The following GJA9 variants were observed in gnomAD, a reference collection of about 807,000 sequenced individuals.
GJA9 encodes the protein gap junction protein alpha 9.
GJA9 carries 1 observed loss-of-function variant against 0.4 expected under a neutral mutation model. That is an observed-to-expected ratio of 2.50 (90% CI 0.89 to 11.88). GJA9 has a LOEUF of 11.88. Among genes scored for constraint, GJA9 ranks in the 30% most tolerant of loss-of-function variants. GJA9 has a pLI of 0.12. For missense variants in GJA9, 550 were observed against 602.8 expected (o/e 0.91, Z 0.92); for synonymous variants, 190 against 219.1 (o/e 0.87, Z 1.17).
chr1:38,876,277 G>C (rs1642586486), intron 1 of GJA9, 84 bp from the exon 2 acceptor site: 1 of 591,116 alleles, frequency 1.7e-6, no homozygotes, highest in Non-Finnish European at 3.0e-6. Flanking sequence ...TTTTTTCTTT[G>C]TTTGTTTGTT....
At position 38,874,753 on chromosome 1, in the gene GJA9, T is replaced by C; in HGVS notation, c.1346A>G (p.Lys449Arg). The C allele has an allele frequency of 1.2e-6, 2 of 1,614,212 alleles. No homozygotes were observed. The highest frequency in any genetic ancestry group is 1.7e-6 in the Non-Finnish European group (2 of 1,180,038). ...PKGNLKGQFR[K>R]GTVRTLPPSQ... ...AGGAGGAAGGGTTCTGACTGTGCCC[T>C]TTCTGAACTGGCCCTTGAGGTTACC... The change falls in exon 2 of 2, where the codon AAG becomes AGG. Residue 449 changes from lysine to arginine, a missense_variant. By Grantham distance (26) the Lys-to-Arg change is conservative. Transcript: ENST00000357771.
intron 1 of GJA9, 103 bp from the exon 2 acceptor site, chr1:38,876,296 C>T: frequency 5.0e-6 from 3 of 599,724 alleles, no homozygotes; most frequent in South Asian, 4.2e-5. Context: ...TTTGTTGAGA[C>T]AGAGTCTCCC....
intron 1 of GJA9, among the ~76,000 whole-genome samples, chr1:38,881,080 C>T (rs971845122): frequency 6.6e-6 from 1 of 151,842 alleles, no homozygotes; most frequent in Non-Finnish European, 1.5e-5. Context: ...CAGATGTATA[C>T]AAAAAAGTCT....
chr1:38,880,989 C>T (rs1019073666), intron 1 of GJA9, among the ~76,000 whole-genome samples: 9 of 152,022 alleles, frequency 5.9e-5, no homozygotes, highest in Admixed American at 1.3e-4. Context: ...CATAAAATGG[C>T]ATTTGATATT....
In GJA9 at chr1:38,876,139, T is replaced by C. The variant is rs781523950; in HGVS notation, c.-41A>G. 2.0e-5 allele frequency: 29 copies of C among 1,482,868 alleles called. No homozygotes were observed. Among genetic ancestry groups the C allele is most frequent in the Non-Finnish European group, 2.7e-5 (29 of 1,077,368 alleles). The allele number at this position is 1,482,868 out of a possible 1,614,324, so 91.9% of individuals were successfully genotyped here. A position where few individuals can be genotyped will look rare whatever the true frequency, so the allele number is the denominator to read the frequency against. ...CATCTTAGCTCTGATCCACATCAAATAAGAGGCAGATAAATTCTTCCATTC... is the reference window on the plus strand; with the variant it reads ...CATCTTAGCTCTGATCCACATCAAACAAGAGGCAGATAAATTCTTCCATTC... On this transcript the variant is annotated 5_prime_UTR_variant, in exon 2 of 2. Coordinates refer to ENST00000357771, the MANE Select transcript of GJA9 (RefSeq NM_030772.5).
rs1202872550 is a variant in GJA9, at chr1:38,874,429, GT to G, written c.*121del. 25 of 674,852 alleles carry G rather than the reference GT, an allele frequency of 3.7e-5. No individual in the cohort carries two copies. In the South Asian group the frequency reaches 4.8e-4, roughly 13 times the overall value. The allele number at this position is 674,852 out of a possible 1,614,324, so 41.8% of individuals were successfully genotyped here. A position where few individuals can be genotyped will look rare whatever the true frequency, so the allele number is the denominator to read the frequency against. ...AGCTGTTTTTCTCTTGCTTAAATGA[GT>G]TTGCAGTTGTCTGTCTTAACAGCTG... On this transcript the variant is annotated 3_prime_UTR_variant, in exon 2 of 2. Transcript: ENST00000357771.
chr1:38,878,626 A>C (rs1321813856), intron 1 of GJA9, among the ~76,000 whole-genome samples: 2 of 147,304 alleles, frequency 1.4e-5, no homozygotes, highest in Non-Finnish European at 1.5e-5. Flanking sequence ...GCGGTGAGCC[A>C]AGATCGCGCC....
At chr1:38,877,196 T>C (rs1445926931) in intron 1 of GJA9, among the ~76,000 whole-genome samples, 5 of 148,402 alleles carry the variant, frequency 3.4e-5, no homozygotes, top group Non-Finnish European at 7.5e-5. Flanking sequence ...TGCACCACCA[T>C]GCCCGGATAA....
intron 1 of GJA9, 122 bp from the exon 2 acceptor site, chr1:38,876,315 C>G (rs1441259593): frequency 3.5e-6 from 2 of 572,428 alleles, no homozygotes; most frequent in Non-Finnish European, 6.3e-6. Flanking sequence ...CCTCTGTTGC[C>G]CAGGCTGGAG....
chr1:38,879,029 G>T (rs572261087), intron 1 of GJA9, among the ~76,000 whole-genome samples: 2 of 151,964 alleles, frequency 1.3e-5, no homozygotes, highest in African/African-American at 2.4e-5. Context: ...CACTGCGCCC[G>T]GCCTTATGGT....
In GJA9 at chr1:38,874,127, G is replaced by C; in HGVS notation, c.*424C>G. ...TGTGATTATACTCAAGACACATCAG[G>C]ATGCCAGTCTAGAAGGAAACTTACG... On this transcript the variant is annotated 3_prime_UTR_variant, in exon 2 of 2. Transcript: ENST00000357771. 1 of 354,628 alleles carries C rather than the reference G, an allele frequency of 2.8e-6. No individual in the cohort carries two copies. The highest frequency in any genetic ancestry group is 2.2e-5 in the South Asian group (1 of 45,632). The allele number at this position is 354,628 out of a possible 1,614,324, so 22.0% of individuals were successfully genotyped here.
At chr1:38,878,343 G>A (rs979694430) in intron 1 of GJA9, among the ~76,000 whole-genome samples, 11 of 151,580 alleles carry the variant, frequency 7.3e-5, no homozygotes, top group African/African-American at 2.7e-4. Flanking sequence ...GCCTCCCATA[G>A]TAAGCCACCG....
rs1642547849 is a variant in GJA9 at position 38,874,742 on chromosome 1, T to A, written c.1357A>T (p.Arg453Ter). 6.2e-7 allele frequency: 1 copy of A among 1,614,240 alleles called. No individual in the cohort carries two copies. The highest frequency in any genetic ancestry group is 8.5e-7 in the Non-Finnish European group (1 of 1,180,046). Residue 453 changes from arginine (R) to a stop codon, truncating the protein, a stop_gained, in exon 2 of 2, where the codon AGA becomes TGA. Transcript: ENST00000357771. LOFTEE classifies it low-confidence loss of function (END_TRUNC). ...TCTCCTTGTGAAGGAGGAAGGGTTC[T>A]GACTGTGCCCTTTCTGAACTGGCCC... is the stretch of plus-strand genomic sequence containing the variant. ...LKGQFRKGTV[R>*]TLPPSQGDSQ...
rs1642533946 is a variant in GJA9, at chr1:38,874,152, G to A, written c.*399C>T. ...GATGCCAGTCTAGAAGGAAACTTAC[G>A]TGATTGTGTTCCAGGGGCAAACAGA... On this transcript the variant is annotated 3_prime_UTR_variant, in exon 2 of 2. Coordinates refer to ENST00000357771, the MANE Select transcript of GJA9 (RefSeq NM_030772.5). The A allele has an allele frequency of 5.7e-6, 2 of 351,960 alleles. No individual in the cohort carries two copies. The highest frequency in any genetic ancestry group is 4.5e-5 in the South Asian group (2 of 44,638). 21.8% of individuals were successfully genotyped at this position (351,960 alleles called of 1,614,324 possible).
rs770875679 is a variant in GJA9 at position 38,874,877 on chromosome 1, CTGTT to C, written c.1218_1221del (p.Thr407PhefsTer90). On this transcript the variant is annotated frameshift_variant, in exon 2 of 2. Coordinates refer to ENST00000357771, the MANE Select transcript of GJA9 (RefSeq NM_030772.5). LOFTEE classifies it low-confidence loss of function (END_TRUNC). ...TCGCAGTTAGCTGGCAAGGAGAAAACTGTTTGGGGTGACTGCCTCATGTTGTTCT... is the reference window on the plus strand; with the variant it reads ...TCGCAGTTAGCTGGCAAGGAGAAAACTGGGGTGACTGCCTCATGTTGTTCT... 1.1e-5 allele frequency: 17 copies of C among 1,614,076 alleles called. No homozygotes were observed. Among genetic ancestry groups the C allele is most frequent in the African/African-American group, 6.7e-5 (5 of 74,924 alleles).
intron 1 of GJA9, among the ~76,000 whole-genome samples, chr1:38,877,038 TTC>T (rs1642599744): frequency 6.8e-6 from 1 of 146,006 alleles, no homozygotes; most frequent in African/African-American, 2.5e-5. Flanking sequence ...TAAAATTATA[TTC>T]TTTTTTTTTT....
rs894796341 is a variant in GJA9 at position 38,875,993 on chromosome 1, C to G, written c.106G>C (p.Val36Leu). The G allele has an allele frequency of 1.2e-6, 2 of 1,614,108 alleles. No homozygotes were observed. Among genetic ancestry groups the G allele is most frequent in the Admixed American group, 1.7e-5 (1 of 60,006 alleles). Residue 36 changes from valine (V) to leucine (L), a missense_variant, in exon 2 of 2, where the codon GTT (valine) becomes CTT (leucine). Val to Leu is a conservative substitution (Grantham distance 32). Transcript: ENST00000357771. The part of the protein sequence containing the change: ...LTILFIFRML[V>L]LGVAAEDVWN... ...ACATCTTCAGCTGCTACACCCAGAACAAGCATTCGAAATATGAACAGGATG... is the reference window on the plus strand; with the variant it reads ...ACATCTTCAGCTGCTACACCCAGAAGAAGCATTCGAAATATGAACAGGATG...
chr1:38,879,202 T>A (rs2124282540), intron 1 of GJA9, among the ~76,000 whole-genome samples: 1 of 152,310 alleles, frequency 6.6e-6, no homozygotes, highest in South Asian at 2.1e-4. Flanking sequence ...CTTGGATTAT[T>A]TGCCGGCAGA....
chr1:38,881,586 A>G lies in GJA9; in HGVS notation c.-250T>C, dbSNP rs1642698580. The G allele has an allele frequency of 1.2e-5, 8 of 661,524 alleles. No individual in the cohort carries two copies. The Admixed American group carries it at 1.4e-4, about 11-fold the overall frequency. 41.0% of individuals were successfully genotyped at this position (661,524 alleles called of 1,614,324 possible). On this transcript the variant is annotated 5_prime_UTR_variant, in exon 1 of 2. An upstream start codon of the reference 5' UTR is lost. Coordinates refer to ENST00000357771, the MANE Select transcript of GJA9 (RefSeq NM_030772.5). Reference sequence around the variant, plus strand: ...GTGAGTCATCCATCAACTAAAATCCATGTCCCTTTCTGCTTATCCTTGCTT... The same window carrying G: ...GTGAGTCATCCATCAACTAAAATCCGTGTCCCTTTCTGCTTATCCTTGCTT...
Sources: gnomAD v4.1 joint callset for allele counts (sites outside exome capture counted in the v4.1 genomes callset) on GRCh38, gnomAD v4.1.1 for gene constraint, MANE v1.5 for transcripts, NCBI Gene and HGNC (gene_info 2026-07-23, HGNC 2026-07-21) for gene names.